TMTC2: variants seen among roughly 807,000 people sequenced by gnomAD.
The protein encoded by TMTC2 is protein O-mannosyl-transferase TMTC2.
Under a neutral mutation model 82.4 loss-of-function variants are expected in TMTC2, and 43 were observed. The ratio of observed to expected loss-of-function variants is 0.52; its 90% CI spans 0.41 to 0.67. The LOEUF (loss-of-function observed/expected upper bound fraction) is 0.67. Among genes scored for constraint, TMTC2 ranks in the 30% least tolerant of loss-of-function variants. The pLI, the probability that TMTC2 is intolerant of heterozygous loss-of-function variation, is 0.00. For synonymous variants in TMTC2, 408 were observed against 381.9 expected, an observed-to-expected ratio of 1.07 and a Z score of -0.80; for missense variants, 919 against 1,012.4, an observed-to-expected ratio of 0.91 and a Z score of 1.25.
At chr12:82,810,659 C>G (rs956855762) in intron 1 of TMTC2, among the ~76,000 whole-genome samples, 4 of 151,854 alleles carry the variant, frequency 2.6e-5, no homozygotes, top group African/African-American at 4.8e-5. Flanking sequence ...GCTTTGTGTC[C>G]CCACCCAAAT....
chr12:82,863,737 T>C lies in TMTC2; in HGVS notation c.654+6157T>C, dbSNP rs1871670632. Among the ~76,000 whole-genome samples, 8 of 152,178 alleles carry C rather than the reference T, an allele frequency of 5.3e-5. No individual in the cohort carries two copies. In the South Asian group the frequency reaches 1.7e-3, roughly 32 times the overall value. Reference sequence around the variant, plus strand: ...CTTGGAACAACGATCTATTCACAAATTATCATTAAAAAAATTCATCTTTGT... The same window carrying C: ...CTTGGAACAACGATCTATTCACAAACTATCATTAAAAAAATTCATCTTTGT... On this transcript the variant is annotated intron_variant, in intron 2 of 11. Coordinates refer to ENST00000321196, the MANE Select transcript of TMTC2 (RefSeq NM_152588.3).
At chr12:82,874,829 C>A (rs2733624) in intron 2 of TMTC2, among the ~76,000 whole-genome samples, 14,616 of 152,000 alleles carry the variant, frequency 0.096, 2,402 homozygotes, top group African/African-American at 0.33. Flanking sequence ...ATAATTAGAA[C>A]TTGACTCTGA....
chr12:82,882,925 G>T (rs563069559), intron 2 of TMTC2, among the ~76,000 whole-genome samples: 4 of 151,820 alleles, frequency 2.6e-5, no homozygotes. Flanking sequence ...GCGTGGTGGC[G>T]TGTGCCTATG....
intron 8 of TMTC2, among the ~76,000 whole-genome samples, chr12:83,023,151 G>A (rs921180075): frequency 3.9e-5 from 6 of 152,056 alleles, no homozygotes; most frequent in East Asian, 1.9e-4. Context: ...TTTTAATAGC[G>A]TGTCATATGA....
chr12:82,817,884 G>T (rs1294230109), intron 1 of TMTC2, among the ~76,000 whole-genome samples: 2 of 152,106 alleles, frequency 1.3e-5, no homozygotes, highest in Non-Finnish European at 2.9e-5. Context: ...TCTTGGCTGT[G>T]TATGTTGACC....
chr12:82,867,802 A>G (rs1871945340), intron 2 of TMTC2, among the ~76,000 whole-genome samples: 1 of 152,216 alleles, frequency 6.6e-6, no homozygotes, highest in East Asian at 1.9e-4. Flanking sequence ...CACTATATGT[A>G]GTCTCTTCTT....
chr12:83,016,444 T>G (rs1208618595), intron 8 of TMTC2, among the ~76,000 whole-genome samples: 1 of 152,180 alleles, frequency 6.6e-6, no homozygotes, highest in Non-Finnish European at 1.5e-5. Flanking sequence ...GTTTTCTCCT[T>G]ATGTACTTAC....
intron 11 of TMTC2, among the ~76,000 whole-genome samples, chr12:83,119,927 A>G (rs1268564908): frequency 6.6e-6 from 1 of 152,082 alleles, no homozygotes; most frequent in Non-Finnish European, 1.5e-5. Flanking sequence ...TGTTCTTTAA[A>G]GTTTGTTTTG....
chr12:82,896,245 A>G lies in TMTC2; in HGVS notation c.1082A>G (p.Gln361Arg), dbSNP rs2137180692. The change falls in exon 3 of 12, where the codon CAG (glutamine) becomes CGG (arginine). Residue 361 changes from glutamine (Q) to arginine (R), a missense_variant. Transcript: ENST00000321196. ...AGCTGCCTTTCAGATGTGGAGTACC[A>G]GAACTCAGAGACTAAGTCCAGCTTT... ...GHSCLSDVEY[Q>R]NSETKSSFAS... The G allele has an allele frequency of 1.2e-6, 2 of 1,614,158 alleles. No individual in the cohort carries two copies. Among genetic ancestry groups the G allele is most frequent in the Non-Finnish European group, 8.5e-7 (1 of 1,180,044 alleles).
chr12:82,729,559 C>T (rs1401607876), intron 1 of TMTC2, among the ~76,000 whole-genome samples: 3 of 152,060 alleles, frequency 2.0e-5, no homozygotes, highest in Admixed American at 6.5e-5. Flanking sequence ...TAGCTAGTCT[C>T]GTGGGGAAGT....
intron 2 of TMTC2, among the ~76,000 whole-genome samples, chr12:82,883,346 A>G (rs527680543): frequency 2.6e-5 from 4 of 152,226 alleles, no homozygotes; most frequent in Non-Finnish European, 5.9e-5. Flanking sequence ...TATGCTTATT[A>G]ATGAACATCT....
chr12:83,095,217 G>GGTTTTTTTTTTT (rs539748806), intron 11 of TMTC2, among the ~76,000 whole-genome samples: 1 of 143,774 alleles, frequency 7.0e-6, no homozygotes, highest in Non-Finnish European at 1.5e-5. Flanking sequence ...AAAATTTCAT[G>GGTTTTTTTTTTT]GTTTTTTTTT....
chr12:82,787,658 C>T lies in TMTC2; in HGVS notation c.84-69352C>T, dbSNP rs192069272. ...ACGCAGTTGCTCACTCCTGTAATCC[C>T]GGCATTTTGGGAAGCCGAGGTGGGT... On this transcript the variant is annotated intron_variant, in intron 1 of 11. Transcript: ENST00000321196. 1.3e-4 allele frequency among the ~76,000 whole-genome samples: 20 copies of T among 152,170 alleles called. No homozygotes were observed. The East Asian group carries it at 1.4e-3, about 10-fold the overall frequency.
At chr12:82,980,593 G>C (rs1024175280) in intron 7 of TMTC2, among the ~76,000 whole-genome samples, 7 of 105,646 alleles carry the variant, frequency 6.6e-5, no homozygotes, top group Admixed American at 3.3e-4. Flanking sequence ...AAGTGTCCCT[G>C]TTCTTTAGAG....
At position 82,735,538 on chromosome 12, in the gene TMTC2, A is replaced by G. The variant is rs11115368; in HGVS notation, c.83+47869A>G. Among the ~76,000 whole-genome samples, 1,266 of 151,824 alleles carry G rather than the reference A, an allele frequency of 8.3e-3. 16 individuals are homozygous for G. Among genetic ancestry groups the G allele is most frequent in the African/African-American group, 0.028 (1,161 of 41,438 alleles). ...TTTTTTGTATTTTTAGTAGAGACGA[A>G]GTTTCACTGTGTTAGCCAGGATGGT... On this transcript the variant is annotated intron_variant, in intron 1 of 11. Transcript: ENST00000321196.
At chr12:82,833,868 CAT>C (rs1193439760) in intron 1 of TMTC2, among the ~76,000 whole-genome samples, 1 of 152,132 alleles carries the variant, frequency 6.6e-6, no homozygotes, top group Non-Finnish European at 1.5e-5. Flanking sequence ...AACAAATAAA[CAT>C]AGCAATACAA....
intron 1 of TMTC2, among the ~76,000 whole-genome samples, 156 bp from the exon 2 acceptor site, chr12:82,856,854 A>C (rs1464572895): frequency 2.0e-5 from 3 of 152,188 alleles, no homozygotes; most frequent in Admixed American, 2.0e-4. Flanking sequence ...GTAAGCATTA[A>C]GGGGAGGACA....
chr12:82,911,200 C>T (rs530689279), intron 3 of TMTC2, among the ~76,000 whole-genome samples: 1 of 151,954 alleles, frequency 6.6e-6, no homozygotes, highest in South Asian at 2.1e-4. Flanking sequence ...TTTTACAGCC[C>T]CAGGGTTTGG....
At chr12:82,855,011 C>T (rs186669923) in intron 1 of TMTC2, among the ~76,000 whole-genome samples, 3 of 152,214 alleles carry the variant, frequency 2.0e-5, no homozygotes, top group Non-Finnish European at 4.4e-5. Flanking sequence ...CTAGGGTGTC[C>T]AGAACACTCA....
Sources: gnomAD v4.1 joint callset for allele counts (sites outside exome capture counted in the v4.1 genomes callset) on GRCh38, gnomAD v4.1.1 for gene constraint, MANE v1.5 for transcripts, NCBI Gene and HGNC (gene_info 2026-07-23, HGNC 2026-07-21) for gene names.